DLG2: variants seen among roughly 807,000 people sequenced by gnomAD.
The protein encoded by DLG2 is disks large homolog 2.
In DLG2, 45 loss-of-function variants were observed where a neutral mutation model predicts 132.5. The ratio of observed to expected loss-of-function variants is 0.34; its 90% confidence interval spans 0.27 to 0.44. DLG2 has a LOEUF of 0.44. DLG2 is among the 20% of genes least tolerant of loss of function. The probability of loss-of-function intolerance (pLI) is 1.00; values close to 1 mark genes in which losing one functional copy is unlikely to be tolerated. For missense variants in DLG2, 1,045 were observed against 1,196.9 expected (o/e 0.87, Z 1.87); for synonymous variants, 424 against 419.6 (o/e 1.01, Z -0.13).
At position 84,204,829 on chromosome 11, in the gene DLG2, G is replaced by A. The variant is rs139544952; in HGVS notation, c.574-41318C>T. ...CCATTCTCCTGCCTCAGCCTCCTAA[G>A]TAGCTGGGATTATAGGCTCCCGCCA... On this transcript the variant is annotated intron_variant, in intron 8 of 27. Coordinates refer to ENST00000376104, the MANE Select transcript of DLG2 (RefSeq NM_001142699.3). 1.1e-3 allele frequency among the ~76,000 whole-genome samples: 161 copies of A among 152,192 alleles called. 1 individual carries two copies. The highest frequency in any genetic ancestry group is 3.5e-3 in the African/African-American group (144 of 41,508).
chr11:84,885,093 T>C (rs2088024088), intron 6 of DLG2, among the ~76,000 whole-genome samples: 1 of 152,046 alleles, frequency 6.6e-6, no homozygotes, highest in Non-Finnish European at 1.5e-5. Flanking sequence ...TACAGGCATT[T>C]TGTCATCTCA....
chr11:83,790,989 T>C, intron 17 of DLG2: 1 of 810,234 alleles, frequency 1.2e-6, no homozygotes. Flanking sequence ...GTCTCCGTTC[T>C]GAGAAGCCGA....
chr11:85,413,228 C>G (rs534302906), intron 3 of DLG2, among the ~76,000 whole-genome samples: 2 of 152,044 alleles, frequency 1.3e-5, no homozygotes, highest in African/African-American at 4.8e-5. Context: ...ACTGTCTATT[C>G]ATGTCCTTAG....
At chr11:84,033,196 C>T (rs1232183134) in intron 11 of DLG2, among the ~76,000 whole-genome samples, 1 of 152,102 alleles carries the variant, frequency 6.6e-6, no homozygotes, top group Non-Finnish European at 1.5e-5. Flanking sequence ...AATTGTGATT[C>T]CTCTGATGCA....
intron 6 of DLG2, among the ~76,000 whole-genome samples, chr11:85,037,532 C>A (rs1566706721): frequency 6.6e-6 from 1 of 152,102 alleles, no homozygotes; most frequent in African/African-American, 2.4e-5. Flanking sequence ...AGTATAATGA[C>A]AGCAAAGAAT....
At chr11:84,941,877 C>T (rs1472467698) in intron 6 of DLG2, among the ~76,000 whole-genome samples, 1 of 152,048 alleles carries the variant, frequency 6.6e-6, no homozygotes, top group East Asian at 1.9e-4. Flanking sequence ...ACGTCCTGGG[C>T]TTTTCCTTGC....
intron 17 of DLG2, among the ~76,000 whole-genome samples, chr11:83,800,069 C>T (rs66773965): frequency 0.21 from 32,529 of 151,978 alleles, 3,789 homozygotes; most frequent in African/African-American, 0.29. Flanking sequence ...CCTCTCCTGA[C>T]GTACACAAAG....
intron 2 of DLG2, among the ~76,000 whole-genome samples, chr11:85,618,344 A>G (rs530518878): frequency 2.0e-5 from 3 of 152,356 alleles, no homozygotes; most frequent in African/African-American, 7.2e-5. Context: ...ATTAAGAAAT[A>G]AGCATATAAG....
chr11:83,719,400 T>C (rs1335538157), intron 18 of DLG2, among the ~76,000 whole-genome samples: 1 of 152,156 alleles, frequency 6.6e-6, no homozygotes, highest in Non-Finnish European at 1.5e-5. Flanking sequence ...GTTATAAAAA[T>C]AAAAACAATT....
intron 6 of DLG2, chr11:84,923,135 C>T (rs2092838046): frequency 6.2e-7 from 1 of 1,613,566 alleles, no homozygotes; most frequent in Non-Finnish European, 8.5e-7. Flanking sequence ...AAATAAGGAG[C>T]ATATGGACCG....
chr11:83,735,245 C>A (rs2091740497), intron 18 of DLG2, among the ~76,000 whole-genome samples: 2 of 151,832 alleles, frequency 1.3e-5, no homozygotes, highest in Non-Finnish European at 2.9e-5. Flanking sequence ...TAAAATGTAA[C>A]CAGCACTGAG....
At chr11:84,058,105 A>C (rs567940417) in intron 11 of DLG2, among the ~76,000 whole-genome samples, 1 of 152,062 alleles carries the variant, frequency 6.6e-6, no homozygotes, top group South Asian at 2.1e-4. Flanking sequence ...CTGAGATCTT[A>C]AATACCACCC....
intron 6 of DLG2, among the ~76,000 whole-genome samples, chr11:84,680,456 T>C (rs2099726041): frequency 1.3e-5 from 2 of 152,266 alleles, no homozygotes; most frequent in South Asian, 4.1e-4. Flanking sequence ...TGAATCTACC[T>C]ATCCTTACAT....
At chr11:84,560,872 G>T (rs2099427124) in intron 6 of DLG2, among the ~76,000 whole-genome samples, 1 of 152,062 alleles carries the variant, frequency 6.6e-6, no homozygotes, top group South Asian at 2.1e-4. Context: ...CTTTTACAAT[G>T]TGACTTGATA....
chr11:83,547,707 G>T (rs4399351), intron 19 of DLG2, among the ~76,000 whole-genome samples: 100,070 of 152,030 alleles, frequency 0.66, 33,449 homozygotes, highest in Middle Eastern at 0.75. Context: ...CTTTATTTTA[G>T]TCTGGTGAGA....
chr11:83,504,368 C>G (rs2094589741), intron 21 of DLG2, among the ~76,000 whole-genome samples: 1 of 152,192 alleles, frequency 6.6e-6, no homozygotes, highest in Non-Finnish European at 1.5e-5. Context: ...ACCTTAATCA[C>G]AGGGCACAGT....
intron 17 of DLG2, among the ~76,000 whole-genome samples, chr11:83,818,563 A>G (rs2049780602): frequency 6.6e-6 from 1 of 152,214 alleles, no homozygotes; most frequent in Non-Finnish European, 1.5e-5. Flanking sequence ...GCAAGGTGAC[A>G]TAAACACAGA....
At chr11:85,583,252 A>C (rs1191674661) in intron 3 of DLG2, among the ~76,000 whole-genome samples, 1 of 146,300 alleles carries the variant, frequency 6.8e-6, no homozygotes, top group Non-Finnish European at 1.5e-5. Flanking sequence ...TGCAGCCTCA[A>C]CCTCCCAAGC....
intron 11 of DLG2, among the ~76,000 whole-genome samples, chr11:83,988,955 G>C (rs2093532671): frequency 1.9e-4 from 1 of 5,226 alleles, no homozygotes; most frequent in Non-Finnish European, 2.9e-4. Flanking sequence ...CATAAGCTCT[G>C]TAATGAATGG....
Sources: gnomAD v4.1 joint callset for allele counts (sites outside exome capture counted in the v4.1 genomes callset) on GRCh38, gnomAD v4.1.1 for gene constraint, MANE v1.5 for transcripts, NCBI Gene and HGNC (gene_info 2026-07-23, HGNC 2026-07-21) for gene names.